TLK1: variants seen among roughly 807,000 people sequenced by gnomAD.
TLK1 encodes serine/threonine-protein kinase tousled-like 1.
Under a neutral mutation model 105.3 loss-of-function variants are expected in TLK1, and 24 were observed. That is an observed-to-expected ratio of 0.23 (90% CI 0.17 to 0.32). The LOEUF is 0.32. Ranked by LOEUF, TLK1 falls within the 10% of genes least tolerant of loss-of-function variation. The probability of loss-of-function intolerance (pLI) is 1.00; values close to 1 mark genes in which losing one functional copy is unlikely to be tolerated. For missense variants in TLK1, 558 were observed against 910.5 expected, an observed-to-expected ratio of 0.61 and a Z score of 4.98; for synonymous variants, 321 against 310.4, an observed-to-expected ratio of 1.03 and a Z score of -0.36.
intron 2 of TLK1, among the ~76,000 whole-genome samples, chr2:171,112,342 T>C (rs534160272): frequency 8.5e-5 from 13 of 152,362 alleles, no homozygotes; most frequent in Admixed American, 2.0e-4. Flanking sequence ...TATTAAATTA[T>C]TGTATTAATA....
chr2:171,025,023 T>C (rs888111059), intron 12 of TLK1, among the ~76,000 whole-genome samples: 1 of 152,172 alleles, frequency 6.6e-6, no homozygotes, highest in African/African-American at 2.4e-5. Flanking sequence ...AATAAGTCCA[T>C]AAGTAAGTTT....
intron 1 of TLK1, among the ~76,000 whole-genome samples, chr2:171,184,642 CA>C (rs140562844): frequency 0.036 from 1,876 of 52,260 alleles, 26 homozygotes; most frequent in African/African-American, 0.11. Flanking sequence ...AACTCCGTCT[CA>C]AAAAAAAAAA....
At chr2:171,038,234 C>T (rs1394207608) in intron 11 of TLK1, among the ~76,000 whole-genome samples, 4 of 152,026 alleles carry the variant, frequency 2.6e-5, no homozygotes, top group Non-Finnish European at 4.4e-5. Flanking sequence ...TCAATCATAT[C>T]AATTGTATCA....
At chr2:171,223,915 T>C (rs28761317) in intron 1 of TLK1, among the ~76,000 whole-genome samples, 8,336 of 152,168 alleles carry the variant, frequency 0.055, 490 homozygotes, top group East Asian at 0.25. Flanking sequence ...CTTCACTTTG[T>C]TGATTTTTTT....
intron 1 of TLK1, among the ~76,000 whole-genome samples, chr2:171,201,353 A>G (rs1254746801): frequency 6.6e-6 from 1 of 152,190 alleles, no homozygotes; most frequent in Non-Finnish European, 1.5e-5. Context: ...ATATTTTGTC[A>G]TCAATCGTTA....
chr2:171,151,311 G>A lies in TLK1; in HGVS notation c.139+8979C>T, dbSNP rs1351587577. Reference sequence around the variant, plus strand: ...CGGGATTACAGGCATGAGCCACTGTGCCTGGCCCTTGGATACATTACTTAA... The same window carrying A: ...CGGGATTACAGGCATGAGCCACTGTACCTGGCCCTTGGATACATTACTTAA... On this transcript the variant is annotated intron_variant, in intron 1 of 20. Coordinates refer to ENST00000431350, the MANE Select transcript of TLK1 (RefSeq NM_012290.5). Among the ~76,000 whole-genome samples the A allele has an allele frequency of 3.3e-5, 5 of 152,086 alleles. No individual in the cohort carries two copies. In the South Asian group the frequency reaches 8.3e-4, roughly 25 times the overall value.
At chr2:171,115,420 A>G (rs1335182446) in intron 2 of TLK1, among the ~76,000 whole-genome samples, 2 of 151,814 alleles carry the variant, frequency 1.3e-5, no homozygotes, top group African/African-American at 4.8e-5. Flanking sequence ...TGACCCGCCC[A>G]CCTCGGCCTC....
chr2:171,057,845 G>A (rs773189833), intron 5 of TLK1, among the ~76,000 whole-genome samples: 6 of 152,022 alleles, frequency 3.9e-5, no homozygotes, highest in Non-Finnish European at 7.4e-5. Context: ...AAAAAATTAC[G>A]GTGTAGGCTA....
chr2:171,137,706 G>A (rs541387353), intron 1 of TLK1, among the ~76,000 whole-genome samples: 195 of 152,006 alleles, frequency 1.3e-3, no homozygotes, highest in African/African-American at 4.2e-3. Context: ...AAAATTAGCC[G>A]GGTGTGGCAG....
intron 8 of TLK1, among the ~76,000 whole-genome samples, chr2:171,051,099 A>C (rs1687216610): frequency 6.6e-6 from 1 of 152,196 alleles, no homozygotes; most frequent in Admixed American, 6.5e-5. Flanking sequence ...TTTAGCACCA[A>C]TAGACCCTCA....
chr2:171,084,288 C>G (rs1017007842), intron 2 of TLK1, among the ~76,000 whole-genome samples: 2 of 152,080 alleles, frequency 1.3e-5, no homozygotes, highest in Non-Finnish European at 2.9e-5. Flanking sequence ...GGGAGGAGTC[C>G]ACGGTTACAT....
intron 3 of TLK1, among the ~76,000 whole-genome samples, chr2:171,075,609 A>G (rs948127346): frequency 2.0e-5 from 3 of 152,224 alleles, no homozygotes; most frequent in Admixed American, 6.5e-5. Flanking sequence ...ATAAACAGAC[A>G]TAACTGTGCT....
At chr2:171,196,481 G>A (rs1024916870) in intron 1 of TLK1, among the ~76,000 whole-genome samples, 6 of 152,124 alleles carry the variant, frequency 3.9e-5, no homozygotes. Context: ...TTGTCTCCTG[G>A]TAATTAGAAA....
chr2:171,020,553 A>G (rs1225966698), intron 12 of TLK1, among the ~76,000 whole-genome samples: 1 of 152,046 alleles, frequency 6.6e-6, no homozygotes, highest in Admixed American at 6.5e-5. Flanking sequence ...AAAAAGAAAA[A>G]AAGAAAAAAA....
intron 1 of TLK1, among the ~76,000 whole-genome samples, chr2:171,211,959 C>T (rs1693625188): frequency 6.6e-6 from 1 of 152,040 alleles, no homozygotes; most frequent in South Asian, 2.1e-4. Flanking sequence ...GATTCTCCTG[C>T]CTCAGTCACC....
At chr2:171,058,503 TAATAA>T (rs1220676541) in intron 4 of TLK1, among the ~76,000 whole-genome samples, 1 of 152,126 alleles carries the variant, frequency 6.6e-6, no homozygotes, top group East Asian at 1.9e-4. Context: ...TTGTAAATAA[TAATAA>T]AACAGCTTTA....
At chr2:171,056,866 AT>A (rs1687527479) in intron 5 of TLK1, among the ~76,000 whole-genome samples, 1 of 151,920 alleles carries the variant, frequency 6.6e-6, no homozygotes, top group Non-Finnish European at 1.5e-5. Context: ...CAATAAACAT[AT>A]TTTGTTTTCC....
At chr2:171,014,089 C>T (rs1484670694) in intron 13 of TLK1, among the ~76,000 whole-genome samples, 1 of 152,192 alleles carries the variant, frequency 6.6e-6, no homozygotes, top group Non-Finnish European at 1.5e-5. Context: ...ACATGGCTTA[C>T]TGAAATACTT....
chr2:171,053,950 A>G, intron 7 of TLK1, 97 bp from the exon 8 acceptor site: 1 of 923,806 alleles, frequency 1.1e-6, no homozygotes, highest in Non-Finnish European at 1.6e-6. Context: ...GGTAAAGAAA[A>G]ATATATTTGT....
Sources: allele counts gnomAD v4.1 joint callset (sites outside exome capture counted in the v4.1 genomes callset), GRCh38; gene constraint gnomAD v4.1.1; transcripts MANE v1.5; gene names NCBI Gene and HGNC (gene_info 2026-07-23, HGNC 2026-07-21).